The following FAR2 variants were observed in gnomAD, a reference collection of about 807,000 sequenced individuals.
FAR2 encodes the protein fatty acyl-CoA reductase 2, also known as epididymis secretory protein Li 81.
A neutral mutation model predicts 56.0 loss-of-function variants in FAR2; 19 were observed. The ratio of observed to expected loss-of-function variants is 0.34; its 90% CI spans 0.24 to 0.50. The LOEUF (loss-of-function observed/expected upper bound fraction) is 0.50, where lower values mean the gene tolerates loss of function less well. Among genes scored for constraint, FAR2 ranks in the 20% least tolerant of loss-of-function variants. FAR2 has a pLI of 0.98. For missense variants in FAR2, 508 were observed against 642.2 expected (o/e 0.79, Z 2.26); for synonymous variants, 219 against 218.8 (o/e 1.00, Z -0.01).
intron 2 of FAR2, among the ~76,000 whole-genome samples, chr12:29,286,106 A>G (rs752733876): frequency 2.0e-5 from 3 of 151,798 alleles, no homozygotes; most frequent in Non-Finnish European, 4.4e-5. Context: ...CACACACAAC[A>G]CAGCTTTCTG....
At chr12:29,265,457 G>A (rs141795416) in intron 1 of FAR2, among the ~76,000 whole-genome samples, 3,555 of 152,272 alleles carry the variant, frequency 0.023, 60 homozygotes, top group Middle Eastern at 0.048. Flanking sequence ...ATGGTGCTAG[G>A]AAAACTGGAT....
rs1949749160 is a variant in FAR2 at position 29,332,723 on chromosome 12, A to G, written c.1381A>G (p.Lys461Glu). Residue 461 changes from lysine to glutamate, a missense_variant, in exon 11 of 12, where the codon AAA (lysine) becomes GAA (glutamate). Physicochemically the swap from Lys to Glu is moderately conservative, Grantham distance 56. Coordinates refer to ENST00000536681, the MANE Select transcript of FAR2 (RefSeq NM_001271783.2). ...GATCCCAAAAGCAAAGCAACGCTTA[A>G]AAAGGTAAGTATAATCAGTCAGTTA... ...AGIPKAKQRL[K>E]RLRNIHYLFN... 2 of 1,612,650 alleles carry G rather than the reference A, an allele frequency of 1.2e-6. No individual in the cohort carries two copies. The highest frequency in any genetic ancestry group is 4.5e-5 in the East Asian group (2 of 44,818).
chr12:29,300,857 T>G (rs896139311), intron 4 of FAR2, among the ~76,000 whole-genome samples: 67 of 152,196 alleles, frequency 4.4e-4, no homozygotes, highest in African/African-American at 1.5e-3. Context: ...TGAATGGGAA[T>G]TCCAGTTCTG....
intron 1 of FAR2, among the ~76,000 whole-genome samples, chr12:29,161,467 G>T (rs564478794): frequency 6.6e-6 from 1 of 152,270 alleles, no homozygotes; most frequent in African/African-American, 2.4e-5. Context: ...TCAAATTATT[G>T]TGTGTATTTG....
chr12:29,205,220 T>C (rs1947465735), intron 1 of FAR2, among the ~76,000 whole-genome samples: 2 of 152,226 alleles, frequency 1.3e-5, no homozygotes. Flanking sequence ...CATTTTACTG[T>C]GTCCAGGAAA....
At chr12:29,221,144 A>C (rs1478888430) in intron 1 of FAR2, among the ~76,000 whole-genome samples, 1 of 152,016 alleles carries the variant, frequency 6.6e-6, no homozygotes, top group Non-Finnish European at 1.5e-5. Context: ...ATATACCCGT[A>C]AAATCAGCCG....
At chr12:29,260,002 G>T (rs2194517) in intron 1 of FAR2, among the ~76,000 whole-genome samples, 1 of 152,026 alleles carries the variant, frequency 6.6e-6, no homozygotes, top group East Asian at 1.9e-4. Context: ...GTGAGCTGTT[G>T]TAAAGTAGAA....
At chr12:29,300,481 T>C (rs2136766465) in intron 4 of FAR2, among the ~76,000 whole-genome samples, 1 of 152,350 alleles carries the variant, frequency 6.6e-6, no homozygotes, top group East Asian at 1.9e-4. Context: ...AGTTTCTTTG[T>C]TTTAGGAAAA....
At chr12:29,181,705 A>G (rs563620509) in intron 1 of FAR2, among the ~76,000 whole-genome samples, 111 of 152,346 alleles carry the variant, frequency 7.3e-4, no homozygotes, top group Non-Finnish European at 1.4e-3. Flanking sequence ...CTGGGCTCTA[A>G]GTTGGATACC....
In FAR2 at chr12:29,333,800, T is replaced by C. The variant is rs768697684; in HGVS notation, c.*6T>C. The C allele has an allele frequency of 1.9e-6, 3 of 1,612,406 alleles. No homozygotes were observed. The highest frequency in any genetic ancestry group is 2.5e-6 in the Non-Finnish European group (3 of 1,179,264). On this transcript the variant is annotated 3_prime_UTR_variant, in exon 12 of 12. Transcript: ENST00000536681. ...CCAGCACGCTCAAAGTTTAAGAGCA[T>C]TTAGCCATCGCTTTTTATCTGGAAC...
intron 1 of FAR2, among the ~76,000 whole-genome samples, chr12:29,223,088 A>G (rs568576318): frequency 6.6e-6 from 1 of 152,308 alleles, no homozygotes; most frequent in East Asian, 1.9e-4. Context: ...TAGTCCTCCC[A>G]ACAGTCTATT....
intron 1 of FAR2, among the ~76,000 whole-genome samples, chr12:29,227,553 G>A (rs1228698768): frequency 6.6e-6 from 1 of 152,086 alleles, no homozygotes; most frequent in African/African-American, 2.4e-5. Flanking sequence ...GTAATTTACA[G>A]TACTTGCCCC....
intron 10 of FAR2, among the ~76,000 whole-genome samples, chr12:29,327,983 G>A (rs11050196): frequency 0.049 from 7,388 of 152,024 alleles, 490 homozygotes; most frequent in African/African-American, 0.15. Flanking sequence ...CAGAATGGGA[G>A]AAAATTTTTG....
At chr12:29,300,965 T>A (rs1375844347) in intron 4 of FAR2, among the ~76,000 whole-genome samples, 1 of 152,188 alleles carries the variant, frequency 6.6e-6, no homozygotes, top group Non-Finnish European at 1.5e-5. Flanking sequence ...GACTGTGAAC[T>A]TGAACCCCAT....
chr12:29,219,370 C>T (rs1053412914), intron 1 of FAR2, among the ~76,000 whole-genome samples: 2 of 152,088 alleles, frequency 1.3e-5, no homozygotes, highest in African/African-American at 4.8e-5. Flanking sequence ...AAAAGAATAC[C>T]TGAAGCAAGT....
intron 1 of FAR2, among the ~76,000 whole-genome samples, chr12:29,224,729 A>G (rs948833448): frequency 1.3e-5 from 2 of 152,188 alleles, no homozygotes; most frequent in African/African-American, 4.8e-5. Flanking sequence ...TTCAAATTCT[A>G]TACATACCAA....
chr12:29,208,401 G>A (rs1947501354), intron 1 of FAR2, among the ~76,000 whole-genome samples: 1 of 152,222 alleles, frequency 6.6e-6, no homozygotes, highest in Non-Finnish European at 1.5e-5. Context: ...CTACTACTTG[G>A]TCCATTGAAA....
At chr12:29,149,678 C>T (rs1030500772) in intron 1 of FAR2, among the ~76,000 whole-genome samples, 7 of 152,166 alleles carry the variant, frequency 4.6e-5, no homozygotes, top group Non-Finnish European at 8.8e-5. Context: ...CAAGGTGGGG[C>T]GCGCGGGGGT....
At chr12:29,273,900 C>T (rs1948661208) in intron 2 of FAR2, among the ~76,000 whole-genome samples, 1 of 152,132 alleles carries the variant, frequency 6.6e-6, no homozygotes, top group South Asian at 2.1e-4. Context: ...GACTCCCCTT[C>T]GCCGTGTGGC....
Sources: allele counts gnomAD v4.1 joint callset (sites outside exome capture counted in the v4.1 genomes callset), GRCh38; gene constraint gnomAD v4.1.1; transcripts MANE v1.5; gene names NCBI Gene and HGNC (gene_info 2026-07-23, HGNC 2026-07-21).